Variants in SYNE3 observed in about 807,000 individuals in gnomAD.
SYNE3 encodes nesprin-3.
In SYNE3, 100 loss-of-function variants were observed where a neutral mutation model predicts 111.2. That is an observed-to-expected ratio of 0.90 (90% CI 0.77 to 1.06). The LOEUF (loss-of-function observed/expected upper bound fraction) is 1.06, where lower values mean the gene tolerates loss of function less well. Among genes scored for constraint, SYNE3 ranks in the 50% least tolerant of loss-of-function variants. The probability of loss-of-function intolerance (pLI) is 0.00; values close to 1 mark genes in which losing one functional copy is unlikely to be tolerated. For synonymous variants in SYNE3, 547 were observed against 533.9 expected, an observed-to-expected ratio of 1.02 and a Z score of -0.34; for missense variants, 1,160 against 1,240.3, an observed-to-expected ratio of 0.94 and a Z score of 0.97.
At position 95,408,352 on chromosome 14, in the gene SYNE3, T is replaced by C. The variant is rs1441404794; in HGVS notation, c.*9474A>G. The C allele has an allele frequency of 1.3e-5, 2 of 151,980 alleles. No homozygotes were observed. Among genetic ancestry groups the C allele is most frequent in the African/African-American group, 4.8e-5 (2 of 41,372 alleles). The allele number at this position is 151,980 out of a possible 1,614,324, so 9.4% of individuals were successfully genotyped here. A position where few individuals can be genotyped will look rare whatever the true frequency, so the allele number is the denominator to read the frequency against. On this transcript the variant is annotated 3_prime_UTR_variant, in exon 18 of 18. Transcript: ENST00000682763. ...AGAAAGAGAGAGAGAAAGGAGAAAA[T>C]TTAGGACCCACAGAATTAAGCCCTC...
intron 1 of SYNE3, among the ~76,000 whole-genome samples, chr14:95,506,472 A>C (rs1890533255): frequency 6.6e-6 from 1 of 152,222 alleles, no homozygotes; most frequent in African/African-American, 2.4e-5. Context: ...CTGGCCCATC[A>C]TGCCTTCCTA....
intron 8 of SYNE3, among the ~76,000 whole-genome samples, chr14:95,446,541 C>T (rs1886730733): frequency 1.3e-5 from 2 of 152,078 alleles, no homozygotes; most frequent in South Asian, 4.1e-4. Flanking sequence ...ACTCAGTGAT[C>T]CCCCGTCACC....
At chr14:95,473,242 T>C (rs1268469195) in intron 2 of SYNE3, among the ~76,000 whole-genome samples, 1 of 152,166 alleles carries the variant, frequency 6.6e-6, no homozygotes, top group East Asian at 1.9e-4. Context: ...ACAGAAGTGC[T>C]GCCTCTGGCT....
chr14:95,419,761 A>G (rs2139336855), intron 17 of SYNE3, among the ~76,000 whole-genome samples: 1 of 142,634 alleles, frequency 7.0e-6, no homozygotes, highest in South Asian at 2.4e-4. Context: ...GGTGATAATG[A>G]TCATGGAAAT....
At chr14:95,473,201 C>G (rs1272955098) in intron 2 of SYNE3, among the ~76,000 whole-genome samples, 1 of 152,084 alleles carries the variant, frequency 6.6e-6, no homozygotes, top group Non-Finnish European at 1.5e-5. Flanking sequence ...CATGACTCCC[C>G]TCTGCCTGGA....
At chr14:95,479,743 C>G (rs74080285) in intron 1 of SYNE3, among the ~76,000 whole-genome samples, 260 of 152,128 alleles carry the variant, frequency 1.7e-3, no homozygotes, top group African/African-American at 5.9e-3. Context: ...ACAGGGGCCA[C>G]GGGACCTCAA....
At chr14:95,480,169 T>C (rs1889144668) in intron 1 of SYNE3, among the ~76,000 whole-genome samples, 1 of 152,252 alleles carries the variant, frequency 6.6e-6, no homozygotes, top group South Asian at 2.1e-4. Flanking sequence ...TTCCAAGCCC[T>C]GTCTGGGGAC....
chr14:95,502,284 T>G, intron 1 of SYNE3, among the ~76,000 whole-genome samples: 1 of 11,526 alleles, frequency 8.7e-5, no homozygotes, highest in Non-Finnish European at 1.8e-4. Context: ...CACCCCCACC[T>G]TCCAGCCACT....
At position 95,452,375 on chromosome 14, in the gene SYNE3, C is replaced by A. The variant is rs1887144737; in HGVS notation, c.1146G>T (p.Arg382=). Residue 382 remains arginine (R), a synonymous_variant, in exon 7 of 18, where the codon CGG becomes CGT. Transcript: ENST00000682763. ...VAHWRRYSAT[R]AALASEEPRV... is the part of the protein sequence containing the mutation. ...GGGGCTCCTCCGAGGCCAGCGCCGCCCGTGTTGCCTGCAGCACATGACGAC... is the reference window on the plus strand; with the variant it reads ...GGGGCTCCTCCGAGGCCAGCGCCGCACGTGTTGCCTGCAGCACATGACGAC... 4 of 1,609,272 alleles carry A rather than the reference C, an allele frequency of 2.5e-6. No individual in the cohort carries two copies. Among genetic ancestry groups the A allele is most frequent in the Non-Finnish European group, 3.4e-6 (4 of 1,178,468 alleles).
At position 95,437,592 on chromosome 14, in the gene SYNE3, G is replaced by A. The variant is rs73339155; in HGVS notation, c.2377-611C>T. Among the ~76,000 whole-genome samples the A allele has an allele frequency of 6.4e-3, 976 of 152,296 alleles. 7 individuals are homozygous for A. The highest frequency in any genetic ancestry group is 0.021 in the African/African-American group (856 of 41,546). The stretch of plus-strand genomic sequence containing the variant: ...TCTTATCTTCCAGGAGAGGCTTCCC[G>A]GTCCTGGACCTAGGAACTGCTGCAG... On this transcript the variant is annotated intron_variant, in intron 14 of 17. Coordinates refer to ENST00000682763, the MANE Select transcript of SYNE3 (RefSeq NM_152592.6).
intron 17 of SYNE3, among the ~76,000 whole-genome samples, chr14:95,424,411 G>C (rs769606678): frequency 6.6e-6 from 1 of 152,182 alleles, no homozygotes; most frequent in Non-Finnish European, 1.5e-5. Flanking sequence ...TGACCCAGGA[G>C]AGGGACAGGT....
Position 95,445,901 on chromosome 14 carries a change from C to A in SYNE3, c.1632+8G>T. 6.2e-7 allele frequency: 1 copy of A among 1,612,900 alleles called. No individual in the cohort carries two copies. Among genetic ancestry groups the A allele is most frequent in the East Asian group, 2.2e-5 (1 of 44,864 alleles). On this transcript the variant is annotated splice_region_variant and intron_variant, in intron 9 of 17. Transcript: ENST00000682763. ...CCAAGTCCCGAGCAGATGCCTGGTGCTGCACACCTGCAGTTTGCTTTTCCT... is the reference window on the plus strand; with the variant it reads ...CCAAGTCCCGAGCAGATGCCTGGTGATGCACACCTGCAGTTTGCTTTTCCT...
chr14:95,509,647 A>C lies in SYNE3; in HGVS notation c.-15+6949T>G, dbSNP rs569760095. Among the ~76,000 whole-genome samples, 6 of 152,364 alleles carry C rather than the reference A, an allele frequency of 3.9e-5. No homozygotes were observed. The South Asian group carries it at 1.2e-3, about 32-fold the overall frequency. ...CGTCCTTAAGGAACGAGGCTACCCC[A>C]GTGCGTCAGCCAGCTGCATTATTTC... is the stretch of plus-strand genomic sequence containing the variant. On this transcript the variant is annotated intron_variant, in intron 1 of 17. Transcript: ENST00000682763.
intron 17 of SYNE3, among the ~76,000 whole-genome samples, chr14:95,422,745 G>T (rs1036395093): frequency 6.6e-6 from 1 of 152,290 alleles, no homozygotes; most frequent in African/African-American, 2.4e-5. Context: ...TGGAGGGTGC[G>T]CCCGCCCCAC....
intron 2 of SYNE3, among the ~76,000 whole-genome samples, chr14:95,471,918 C>T (rs1888554209): frequency 6.6e-6 from 1 of 152,194 alleles, no homozygotes; most frequent in Non-Finnish European, 1.5e-5. Context: ...GGTTTTCCCT[C>T]AACCCAGCCA....
intron 1 of SYNE3, among the ~76,000 whole-genome samples, chr14:95,507,012 C>A (rs543827251): frequency 6.6e-6 from 1 of 152,326 alleles, no homozygotes; most frequent in South Asian, 2.1e-4. Flanking sequence ...AGTGATGACC[C>A]CTTACCTCCA....
chr14:95,460,565 G>A (rs1887738272), intron 4 of SYNE3, among the ~76,000 whole-genome samples: 1 of 152,016 alleles, frequency 6.6e-6, no homozygotes, highest in South Asian at 2.1e-4. Context: ...GCTTACAACT[G>A]GAATCAAGAA....
At chr14:95,447,264 G>T (rs935587394) in intron 8 of SYNE3, among the ~76,000 whole-genome samples, 1 of 151,674 alleles carries the variant, frequency 6.6e-6, no homozygotes. Context: ...CTCCCGAGTA[G>T]CTGGGACTAC....
intron 1 of SYNE3, among the ~76,000 whole-genome samples, chr14:95,482,657 G>A (rs1232468054): frequency 1.3e-5 from 2 of 152,078 alleles, no homozygotes; most frequent in African/African-American, 2.4e-5. Flanking sequence ...TTACAAAGAG[G>A]GAAACTGAGA....
Sources: allele counts gnomAD v4.1 joint callset (sites outside exome capture counted in the v4.1 genomes callset), GRCh38; gene constraint gnomAD v4.1.1; transcripts MANE v1.5; gene names NCBI Gene and HGNC (gene_info 2026-07-23, HGNC 2026-07-21).